Variants in SMAD2 observed in about 807,000 individuals in gnomAD.
The protein encoded by SMAD2 is SMAD family member 2.
Under a neutral mutation model 64.4 loss-of-function variants are expected in SMAD2, and 8 were observed. The ratio of observed to expected loss-of-function variants is 0.12; its 90% confidence interval spans 0.07 to 0.22. The LOEUF is 0.22. SMAD2 is among the 10% of genes least tolerant of loss of function. The pLI, the probability that SMAD2 is intolerant of heterozygous loss-of-function variation, is 1.00. For missense variants in SMAD2, 289 were observed against 561.2 expected (o/e 0.51, Z 4.90); for synonymous variants, 203 against 195.8 (o/e 1.04, Z -0.31).
chr18:47,907,180 A>G (rs932049517), intron 1 of SMAD2, among the ~76,000 whole-genome samples: 9 of 152,218 alleles, frequency 5.9e-5, no homozygotes, highest in African/African-American at 2.2e-4. Context: ...TGTATCACAC[A>G]TTCAGGAAAA....
intron 5 of SMAD2, among the ~76,000 whole-genome samples, chr18:47,866,316 CAAAAAAAAAAAA>C (rs34302955): frequency 1.2e-4 from 5 of 42,100 alleles, no homozygotes; most frequent in Non-Finnish European, 1.7e-4. Context: ...AACACCGTCT[CAAAAAAAAAAAA>C]AAAAAAAAAA....
rs567843363 is a variant in SMAD2 at position 47,851,981 on chromosome 18, C to A, written c.731-654G>T. Among the ~76,000 whole-genome samples the A allele has an allele frequency of 4.6e-5, 7 of 152,178 alleles. No homozygotes were observed. The East Asian group carries it at 5.8e-4, about 13-fold the overall frequency. ...AAAATTATCATTCATCAAGGTTGTA[C>A]CAGTTTACATTCCCAGTCACAACAT... is the stretch of plus-strand genomic sequence containing the variant. On this transcript the variant is annotated intron_variant, in intron 6 of 10. Coordinates refer to ENST00000262160, the MANE Select transcript of SMAD2 (RefSeq NM_005901.6).
At position 47,836,415 on chromosome 18, in the gene SMAD2, T is replaced by A. The variant is rs1913418682; in HGVS notation, c.*5412A>T. 4.5e-6 allele frequency: 1 copy of A among 221,096 alleles called. No homozygotes were observed. Among genetic ancestry groups the A allele is most frequent in the Non-Finnish European group, 9.1e-6 (1 of 110,398 alleles). 13.7% of individuals were successfully genotyped at this position (221,096 alleles called of 1,614,324 possible). ...TGGCTGTGATTCTTAGTTACCAAGTTGCCAAAAAATGGTATATTAAATGAA... is the reference window on the plus strand; with the variant it reads ...TGGCTGTGATTCTTAGTTACCAAGTAGCCAAAAAATGGTATATTAAATGAA... On this transcript the variant is annotated 3_prime_UTR_variant, in exon 11 of 11. Coordinates refer to ENST00000262160, the MANE Select transcript of SMAD2 (RefSeq NM_005901.6).
intron 1 of SMAD2, among the ~76,000 whole-genome samples, chr18:47,897,950 G>A (rs2033513213): frequency 6.6e-6 from 1 of 152,152 alleles, no homozygotes; most frequent in South Asian, 2.1e-4. Context: ...AAGTAAAGAG[G>A]TCTGTAGTCT....
In SMAD2 at chr18:47,868,303, G is replaced by A. The variant is rs2144372441; in HGVS notation, c.655+20C>T. On this transcript the variant is annotated intron_variant, in intron 5 of 10. Transcript: ENST00000262160. ...ATTTGTATCTATCCAAGTTTTAGGA[G>A]ATTCAGAAGGCAAAAATACCTGGAA... 6.2e-7 allele frequency: 1 copy of A among 1,606,508 alleles called. No homozygotes were observed.
chr18:47,899,966 A>C (rs981636450), intron 1 of SMAD2, among the ~76,000 whole-genome samples: 1 of 152,156 alleles, frequency 6.6e-6, no homozygotes, highest in East Asian at 1.9e-4. Context: ...CCAGGTTCAA[A>C]TCCCAAGGAT....
intron 6 of SMAD2, among the ~76,000 whole-genome samples, chr18:47,855,567 C>A (rs1243545531): frequency 2.6e-5 from 4 of 152,154 alleles, no homozygotes; most frequent in Non-Finnish European, 5.9e-5. Context: ...TTTTTTATTT[C>A]TCCTTCATTT....
intron 10 of SMAD2, among the ~76,000 whole-genome samples, chr18:47,844,490 T>G (rs906640046): frequency 2.6e-5 from 4 of 152,218 alleles, no homozygotes; most frequent in Non-Finnish European, 4.4e-5. Context: ...CAATCTATTG[T>G]TTAATTCATC....
Position 47,814,123 on chromosome 18 carries a change from A to T in SMAD2, c.*27704T>A, listed in dbSNP as rs970853406. On this transcript the variant is annotated 3_prime_UTR_variant, in exon 11 of 11. Transcript: ENST00000262160. ...CTGAAGCAAGAGAGTCTGGGGCAAG[A>T]ATGTCTCTATTGGGTCAAGACTTTG... is the stretch of plus-strand genomic sequence containing the variant. 1 of 152,150 alleles carries T rather than the reference A, an allele frequency of 6.6e-6. No individual in the cohort carries two copies. Among genetic ancestry groups the T allele is most frequent in the Admixed American group, 6.6e-5 (1 of 15,262 alleles). The allele number at this position is 152,150 out of a possible 1,614,324, so 9.4% of individuals were successfully genotyped here.
At chr18:47,917,410 A>T (rs939291935) in intron 1 of SMAD2, among the ~76,000 whole-genome samples, 8 of 152,140 alleles carry the variant, frequency 5.3e-5, no homozygotes, top group Non-Finnish European at 1.0e-4. Flanking sequence ...TGGATTTTTT[A>T]AATTTTTGTT....
chr18:47,810,038 C>T lies in SMAD2; in HGVS notation c.*31789G>A, dbSNP rs1912151666. 1 of 152,202 alleles carries T rather than the reference C, an allele frequency of 6.6e-6. No homozygotes were observed. Among genetic ancestry groups the T allele is most frequent in the African/African-American group, 2.4e-5 (1 of 41,456 alleles). 9.4% of individuals were successfully genotyped at this position (152,202 alleles called of 1,614,324 possible). ...TAATTACAGAGTTGAAACACATACT[C>T]TTTCAGACATGAAGTCAGAGGGCTT... On this transcript the variant is annotated 3_prime_UTR_variant, in exon 11 of 11. Transcript: ENST00000262160.
At chr18:47,842,803 C>G (rs535236819) in intron 10 of SMAD2, among the ~76,000 whole-genome samples, 1 of 152,144 alleles carries the variant, frequency 6.6e-6, no homozygotes, top group Admixed American at 6.5e-5. Context: ...CAACACCATT[C>G]GGGCTTTTAA....
chr18:47,818,489 T>C lies in SMAD2; in HGVS notation c.*23338A>G, dbSNP rs1471639831. Reference sequence around the variant, plus strand: ...GCAATAATATAAGGTATCTCTGGTATAGCATAAAAATTGCTTGCCTGCTAT... The same window carrying C: ...GCAATAATATAAGGTATCTCTGGTACAGCATAAAAATTGCTTGCCTGCTAT... On this transcript the variant is annotated 3_prime_UTR_variant, in exon 11 of 11. Transcript: ENST00000262160. 1 of 152,226 alleles carries C rather than the reference T, an allele frequency of 6.6e-6. No individual in the cohort carries two copies. The highest frequency in any genetic ancestry group is 2.4e-5 in the African/African-American group (1 of 41,460). 9.4% of individuals were successfully genotyped at this position (152,226 alleles called of 1,614,324 possible).
chr18:47,879,213 A>T (rs2032442022), intron 2 of SMAD2, among the ~76,000 whole-genome samples: 1 of 152,210 alleles, frequency 6.6e-6, no homozygotes, highest in South Asian at 2.1e-4. Context: ...TCTTTAGGTT[A>T]AATTTACACA....
In SMAD2 at chr18:47,851,460, A is replaced by G. The variant is rs994332824; in HGVS notation, c.731-133T>C. ...AATTTAAATACCAAGAATTCAGAATATGTAAGTGCTTAAATTTAGTTTAAT... is the reference window on the plus strand; with the variant it reads ...AATTTAAATACCAAGAATTCAGAATGTGTAAGTGCTTAAATTTAGTTTAAT... On this transcript the variant is annotated intron_variant, in intron 6 of 10. Transcript: ENST00000262160. The G allele has an allele frequency of 2.8e-5, 11 of 395,658 alleles. No individual in the cohort carries two copies. The Admixed American group carries it at 3.4e-4, about 12-fold the overall frequency. 24.5% of individuals were successfully genotyped at this position (395,658 alleles called of 1,614,324 possible). A position where few individuals can be genotyped will look rare whatever the true frequency, so the allele number is the denominator to read the frequency against.
In SMAD2 at chr18:47,815,140, G is replaced by C. The variant is rs1487673354; in HGVS notation, c.*26687C>G. The C allele has an allele frequency of 6.6e-6, 1 of 152,248 alleles. No homozygotes were observed. Among genetic ancestry groups the C allele is most frequent in the Non-Finnish European group, 1.5e-5 (1 of 68,060 alleles). 9.4% of individuals were successfully genotyped at this position (152,248 alleles called of 1,614,324 possible). ...AGATGCCATCATGAGGAAGAAGCTA[G>C]GAAGAACCTTTGAAAAGCTGAGCAT... On this transcript the variant is annotated 3_prime_UTR_variant, in exon 11 of 11. Coordinates refer to ENST00000262160, the MANE Select transcript of SMAD2 (RefSeq NM_005901.6).
At chr18:47,901,927 G>C (rs890623238) in intron 1 of SMAD2, among the ~76,000 whole-genome samples, 1 of 152,160 alleles carries the variant, frequency 6.6e-6, no homozygotes, top group African/African-American at 2.4e-5. Context: ...AAAATCATCA[G>C]TGTGTATTCA....
chr18:47,834,283 A>G lies in SMAD2; in HGVS notation c.*7544T>C. On this transcript the variant is annotated 3_prime_UTR_variant, in exon 11 of 11. Transcript: ENST00000262160. ...TTAGCAAAAACTTTACAAGATTAAA[A>G]ATCAGAGCAAATGAATTTCTTAAGT... 1 of 209,800 alleles carries G rather than the reference A, an allele frequency of 4.8e-6. No individual in the cohort carries two copies. The highest frequency in any genetic ancestry group is 7.2e-5 in the East Asian group (1 of 13,978). The allele number at this position is 209,800 out of a possible 1,614,324, so 13.0% of individuals were successfully genotyped here. A position where few individuals can be genotyped will look rare whatever the true frequency, so the allele number is the denominator to read the frequency against.
At position 47,841,854 on chromosome 18, in the gene SMAD2, A is replaced by G. The variant is rs368861954; in HGVS notation, c.1377T>C (p.Pro459=). 9.9e-6 allele frequency: 16 copies of G among 1,614,018 alleles called. No individual in the cohort carries two copies. The highest frequency in any genetic ancestry group is 2.7e-5 in the African/African-American group (2 of 74,916). Residue 459 remains proline, a synonymous_variant, in exon 11 of 11, where the codon CCT becomes CCC. Transcript: ENST00000262160. ...LDKVLTQMGS[P]SVRCSSMS is the part of the protein sequence containing the mutation. Reference sequence around the variant, plus strand: ...ATGACATGCTTGAGCAACGCACTGAAGGGGATCCCATCTGAGTTAATACTT... The same window carrying G: ...ATGACATGCTTGAGCAACGCACTGAGGGGGATCCCATCTGAGTTAATACTT...
Sources: gnomAD v4.1 joint callset for allele counts (sites outside exome capture counted in the v4.1 genomes callset) on GRCh38, gnomAD v4.1.1 for gene constraint, MANE v1.5 for transcripts, NCBI Gene and HGNC (gene_info 2026-07-23, HGNC 2026-07-21) for gene names.